Variants in SENP7 observed in about 807,000 individuals in gnomAD.
SENP7 encodes sentrin-specific protease 7.
SENP7 carries 64 observed loss-of-function variants against 141.2 expected under a neutral mutation model. The ratio of observed to expected loss-of-function variants is 0.45; its 90% confidence interval spans 0.37 to 0.56. The LOEUF is 0.56. Ranked by LOEUF, SENP7 falls within the 20% of genes least tolerant of loss-of-function variation. SENP7 has a pLI of 0.00. For missense variants in SENP7, 1,025 were observed against 1,212.2 expected (o/e 0.85, Z 2.29); for synonymous variants, 382 against 426.4 (o/e 0.90, Z 1.28).
Position 101,327,655 on chromosome 3 carries a change from G to A in SENP7, c.3015+11C>T. The A allele has an allele frequency of 6.3e-7, 1 of 1,584,354 alleles. No homozygotes were observed. On this transcript the variant is annotated intron_variant, in intron 23 of 23. Coordinates refer to ENST00000394095, the MANE Select transcript of SENP7 (RefSeq NM_020654.5). ...ACTGTGAATTAAAAACTTATTTATA[G>A]CTTCACATACCTTGAAGAAGCTTTC... is the stretch of plus-strand genomic sequence containing the variant.
intron 5 of SENP7, chr3:101,414,292 C>T (rs576306915): frequency 2.4e-5 from 17 of 721,426 alleles, no homozygotes; most frequent in East Asian, 7.4e-5. Flanking sequence ...AGAGAACATC[C>T]GGAAGATGCA....
intron 1 of SENP7, among the ~76,000 whole-genome samples, chr3:101,505,074 GAAAAAAGAAA>G (rs1169631886): frequency 6.6e-6 from 1 of 150,608 alleles, no homozygotes; most frequent in African/African-American, 2.4e-5. Context: ...AAAAGAAAAA[GAAAAAAGAAA>G]AAAAAAGAAC....
At chr3:101,508,607 T>C (rs1031901414) in intron 1 of SENP7, among the ~76,000 whole-genome samples, 16 of 151,994 alleles carry the variant, frequency 1.1e-4, no homozygotes, top group Non-Finnish European at 8.8e-5. Flanking sequence ...TCCAAAAAAA[T>C]AAAAGAAAGG....
chr3:101,462,685 C>T (rs1029061392), intron 3 of SENP7, among the ~76,000 whole-genome samples: 6 of 151,032 alleles, frequency 4.0e-5, no homozygotes, highest in African/African-American at 7.3e-5. Context: ...CTGGGCAACA[C>T]GATGAAACCC....
At chr3:101,438,064 T>A (rs1257433205) in intron 4 of SENP7, among the ~76,000 whole-genome samples, 1 of 152,024 alleles carries the variant, frequency 6.6e-6, no homozygotes, top group Non-Finnish European at 1.5e-5. Flanking sequence ...AAATTAAAAA[T>A]ATCATTACTA....
At chr3:101,437,792 C>A (rs771119694) in intron 4 of SENP7, among the ~76,000 whole-genome samples, 1 of 151,930 alleles carries the variant, frequency 6.6e-6, no homozygotes, top group East Asian at 1.9e-4. Flanking sequence ...CTTGTGTAGC[C>A]GTTTCTCCAA....
At chr3:101,382,578 G>A (rs944297237) in intron 6 of SENP7, among the ~76,000 whole-genome samples, 4 of 152,118 alleles carry the variant, frequency 2.6e-5, no homozygotes, top group Admixed American at 2.6e-4. Flanking sequence ...ATCCCAATGG[G>A]AAGTAAAATT....
At chr3:101,509,241 G>C (rs2065752210) in intron 1 of SENP7, among the ~76,000 whole-genome samples, 1 of 151,892 alleles carries the variant, frequency 6.6e-6, no homozygotes, top group Non-Finnish European at 1.5e-5. Context: ...GCTTGTTCTA[G>C]AAATATTTCC....
intron 6 of SENP7, among the ~76,000 whole-genome samples, chr3:101,374,431 A>G (rs567014292): frequency 4.6e-5 from 7 of 152,306 alleles, no homozygotes; most frequent in African/African-American, 1.7e-4. Context: ...AAACACAGTC[A>G]ACAACAAAGA....
intron 14 of SENP7, among the ~76,000 whole-genome samples, chr3:101,342,635 C>T (rs2059355439): frequency 6.6e-6 from 1 of 151,742 alleles, no homozygotes. Context: ...CAGGATCCTA[C>T]AATTCCTTAG....
Position 101,347,867 on chromosome 3 carries a change from C to T in SENP7, c.1837+5G>A. ...CCTGAAATTTAGAAATCATTTTATA[C>T]TCACATTGCTGGCTTAATACAGAGT... is the stretch of plus-strand genomic sequence containing the variant. On this transcript the variant is annotated splice_donor_5th_base_variant and intron_variant, in intron 13 of 23. Transcript: ENST00000394095. The T allele has an allele frequency of 1.4e-6, 2 of 1,386,896 alleles. No homozygotes were observed. Among genetic ancestry groups the T allele is most frequent in the South Asian group, 1.7e-5 (1 of 57,304 alleles). The allele number at this position is 1,386,896 out of a possible 1,614,324, so 85.9% of individuals were successfully genotyped here. A position where few individuals can be genotyped will look rare whatever the true frequency, so the allele number is the denominator to read the frequency against.
At chr3:101,380,372 T>A in intron 6 of SENP7, among the ~76,000 whole-genome samples, 1 of 151,474 alleles carries the variant, frequency 6.6e-6, no homozygotes, top group East Asian at 1.9e-4. Flanking sequence ...TATATTATAA[T>A]TTATAGAAAA....
At position 101,371,224 on chromosome 3, in the gene SENP7, T is replaced by C. The variant is rs553326348; in HGVS notation, c.796+784A>G. ...GGATCACTTGAGCCCAGGAGGTAGA[T>C]AGAGGCTGAAGTGGGCTGTGATCAT... is the stretch of plus-strand genomic sequence containing the variant. On this transcript the variant is annotated intron_variant, in intron 7 of 23. Transcript: ENST00000394095. 5.3e-5 allele frequency among the ~76,000 whole-genome samples: 8 copies of C among 152,116 alleles called. No individual in the cohort carries two copies. The East Asian group carries it at 9.7e-4, about 18-fold the overall frequency.
At chr3:101,410,351 CT>C (rs1245480627) in intron 5 of SENP7, among the ~76,000 whole-genome samples, 1 of 152,168 alleles carries the variant, frequency 6.6e-6, no homozygotes. Flanking sequence ...AGGACAACCA[CT>C]GTGGAAAACA....
chr3:101,357,792 C>G, intron 11 of SENP7: 1 of 608,126 alleles, frequency 1.6e-6, no homozygotes, highest in South Asian at 1.6e-5. Context: ...AGCTTTTAAC[C>G]AGTCCTCAAC....
At chr3:101,354,666 C>T (rs962795477) in intron 11 of SENP7, among the ~76,000 whole-genome samples, 1 of 152,036 alleles carries the variant, frequency 6.6e-6, no homozygotes, top group Non-Finnish European at 1.5e-5. Context: ...TAGGTTGATT[C>T]CATATGTTTC....
intron 11 of SENP7, among the ~76,000 whole-genome samples, chr3:101,359,813 A>G (rs911349977): frequency 3.3e-5 from 5 of 152,072 alleles, no homozygotes; most frequent in Admixed American, 3.3e-4. Flanking sequence ...AGGCAAGATT[A>G]TATGTGTTTG....
chr3:101,401,803 T>C (rs1190757111), intron 5 of SENP7, among the ~76,000 whole-genome samples: 1 of 151,932 alleles, frequency 6.6e-6, no homozygotes, highest in Non-Finnish European at 1.5e-5. Flanking sequence ...AGCAACATAG[T>C]GAGACCCTGT....
At chr3:101,353,203 G>A (rs1293689910) in intron 11 of SENP7, among the ~76,000 whole-genome samples, 10 of 151,884 alleles carry the variant, frequency 6.6e-5, no homozygotes, top group Non-Finnish European at 1.2e-4. Context: ...ATGTTTCACA[G>A]GGTCTTTAAT....
Sources: gnomAD v4.1 joint callset for allele counts (sites outside exome capture counted in the v4.1 genomes callset) on GRCh38, gnomAD v4.1.1 for gene constraint, MANE v1.5 for transcripts, NCBI Gene and HGNC (gene_info 2026-07-23, HGNC 2026-07-21) for gene names.